MAN1A1: variants seen among roughly 807,000 people sequenced by gnomAD.
MAN1A1 encodes the protein mannosyl-oligosaccharide 1,2-alpha-mannosidase IA.
Under a neutral mutation model 70.8 loss-of-function variants are expected in MAN1A1, and 29 were observed. The observed-to-expected ratio is 0.41, with a 90% CI of 0.31 to 0.56. The LOEUF (loss-of-function observed/expected upper bound fraction) is 0.56. Ranked by LOEUF, MAN1A1 falls within the 20% of genes least tolerant of loss-of-function variation. MAN1A1 has a pLI of 0.29. For missense variants in MAN1A1, 747 were observed against 841.3 expected, an observed-to-expected ratio of 0.89 and a Z score of 1.39; for synonymous variants, 349 against 330.1, an observed-to-expected ratio of 1.06 and a Z score of -0.62.
chr6:119,345,090 C>G (rs1773691154), intron 2 of MAN1A1, among the ~76,000 whole-genome samples: 1 of 149,876 alleles, frequency 6.7e-6, no homozygotes, highest in Admixed American at 6.7e-5. Context: ...CAGGTCTCCC[C>G]TTAATTTCAG....
At chr6:119,210,744 T>C (rs1034585488) in intron 6 of MAN1A1, 1 of 200,234 alleles carries the variant, frequency 5.0e-6, no homozygotes, top group African/African-American at 2.4e-5. Context: ...GACAAAAATG[T>C]CTACAAAGAT....
At chr6:119,240,431 C>A (rs1582726749) in intron 6 of MAN1A1, among the ~76,000 whole-genome samples, 1 of 152,212 alleles carries the variant, frequency 6.6e-6, no homozygotes, top group South Asian at 2.1e-4. Context: ...AGAAACACAG[C>A]AGGAGCCTGA....
At chr6:119,349,811 C>T, upstream of MAN1A1, 4 of 952,180 alleles carry the variant, frequency 4.2e-6, no homozygotes, top group Non-Finnish European at 5.0e-6. Flanking sequence ...GGCGACGCGG[C>T]CGGAGAGTGA....
At chr6:119,314,803 C>G (rs1410991888) in intron 2 of MAN1A1, among the ~76,000 whole-genome samples, 1 of 152,152 alleles carries the variant, frequency 6.6e-6, no homozygotes, top group Non-Finnish European at 1.5e-5. Context: ...CTTGCCTGCC[C>G]TACATCCTTC....
At chr6:119,254,995 C>G (rs1181622043) in intron 5 of MAN1A1, among the ~76,000 whole-genome samples, 2 of 152,118 alleles carry the variant, frequency 1.3e-5, no homozygotes, top group Non-Finnish European at 2.9e-5. Flanking sequence ...TTAAAAACTT[C>G]AAAATTTAAA....
chr6:119,201,857 A>G (rs915655574), intron 7 of MAN1A1, among the ~76,000 whole-genome samples: 3 of 152,206 alleles, frequency 2.0e-5, no homozygotes, highest in Non-Finnish European at 2.9e-5. Flanking sequence ...ATACCTTTCT[A>G]TAGGGTTATA....
At chr6:119,205,343 C>G (rs1396805235) in intron 6 of MAN1A1, among the ~76,000 whole-genome samples, 1 of 152,182 alleles carries the variant, frequency 6.6e-6, no homozygotes, top group East Asian at 1.9e-4. Flanking sequence ...CAAAGATTCA[C>G]TAATTATACA....
intron 5 of MAN1A1, among the ~76,000 whole-genome samples, chr6:119,264,482 A>C (rs1775694845): frequency 6.6e-6 from 1 of 152,240 alleles, no homozygotes; most frequent in South Asian, 2.1e-4. Flanking sequence ...GTGCAGTTTA[A>C]CAATCAACTC....
rs141389148 is a variant in MAN1A1 at position 119,321,494 on chromosome 6, C to T, written c.604-14502G>A. Reference sequence around the variant, plus strand: ...CAGGATTTATGAAGGATCTGTCCCTCTCGCCTGCTTCCTTGGTCCTGTCTC... The same window carrying T: ...CAGGATTTATGAAGGATCTGTCCCTTTCGCCTGCTTCCTTGGTCCTGTCTC... On this transcript the variant is annotated intron_variant, in intron 2 of 12. Coordinates refer to ENST00000368468, the MANE Select transcript of MAN1A1 (RefSeq NM_005907.4). 3.3e-5 allele frequency among the ~76,000 whole-genome samples: 5 copies of T among 152,284 alleles called. No homozygotes were observed. In the East Asian group the frequency reaches 9.6e-4, roughly 29 times the overall value.
chr6:119,285,114 G>C (rs988654693), intron 5 of MAN1A1, among the ~76,000 whole-genome samples: 1 of 151,734 alleles, frequency 6.6e-6, no homozygotes, highest in South Asian at 2.1e-4. Context: ...GGAGAGACAG[G>C]GGAAGGGAAA....
chr6:119,331,279 C>T (rs1445265816), intron 2 of MAN1A1, among the ~76,000 whole-genome samples: 1 of 150,966 alleles, frequency 6.6e-6, no homozygotes, highest in Non-Finnish European at 1.5e-5. Flanking sequence ...GGTGATATAC[C>T]TCACTGTGAA....
At chr6:119,338,385 A>C (rs1052595036) in intron 2 of MAN1A1, among the ~76,000 whole-genome samples, 1 of 152,150 alleles carries the variant, frequency 6.6e-6, no homozygotes, top group Non-Finnish European at 1.5e-5. Context: ...TTTCTTTAAA[A>C]ATAAAATATC....
At chr6:119,211,624 G>A (rs2114957621) in intron 6 of MAN1A1, among the ~76,000 whole-genome samples, 1 of 152,118 alleles carries the variant, frequency 6.6e-6, no homozygotes, top group South Asian at 2.1e-4. Flanking sequence ...CCTCTTCCAG[G>A]CTGATCCCAT....
intron 6 of MAN1A1, among the ~76,000 whole-genome samples, chr6:119,227,093 T>TA (rs1448329943): frequency 6.6e-6 from 1 of 152,120 alleles, no homozygotes; most frequent in African/African-American, 2.4e-5. Flanking sequence ...CTCAGCAATA[T>TA]AAAGGATTGA....
chr6:119,327,072 G>T (rs1362487384), intron 2 of MAN1A1, among the ~76,000 whole-genome samples: 2 of 152,132 alleles, frequency 1.3e-5, no homozygotes, highest in Non-Finnish European at 2.9e-5. Flanking sequence ...AAGGGAGTTG[G>T]CAGGTATGAT....
chr6:119,298,285 A>G (rs1197070214), intron 4 of MAN1A1, among the ~76,000 whole-genome samples: 3 of 152,194 alleles, frequency 2.0e-5, no homozygotes, highest in African/African-American at 4.8e-5. Flanking sequence ...TCCCCAGAAC[A>G]TATTATCCCA....
At chr6:119,193,742 G>C (rs200111404) in intron 9 of MAN1A1, 35 bp downstream of exon 9, 2 of 1,421,142 alleles carry the variant, frequency 1.4e-6, no homozygotes, top group African/African-American at 1.4e-5. Context: ...ATAAGTTAGG[G>C]CTGAGTGGCA....
chr6:119,189,550 G>A (rs572421118), intron 10 of MAN1A1, 114 bp downstream of exon 10: 12 of 886,888 alleles, frequency 1.4e-5, no homozygotes, highest in Admixed American at 1.0e-4. Flanking sequence ...CATTAATCAC[G>A]ATCATCAAGC....
chr6:119,281,876 T>C (rs945229479), intron 5 of MAN1A1, among the ~76,000 whole-genome samples: 1 of 150,820 alleles, frequency 6.6e-6, no homozygotes, highest in African/African-American at 2.4e-5. Flanking sequence ...GCCAACATGG[T>C]GAAACCCCAT....
Sources: allele counts gnomAD v4.1 joint callset (sites outside exome capture counted in the v4.1 genomes callset), GRCh38; gene constraint gnomAD v4.1.1; transcripts MANE v1.5; gene names NCBI Gene and HGNC (gene_info 2026-07-23, HGNC 2026-07-21).